Variants in MAGI2 observed in about 807,000 individuals in gnomAD.
The protein encoded by MAGI2 is membrane associated guanylate kinase, WW and PDZ domain containing 2, also known as membrane-associated guanylate kinase, WW and PDZ domain-containing protein 2.
A neutral mutation model predicts 133.3 loss-of-function variants in MAGI2; 35 were observed. That is an observed-to-expected ratio of 0.26 (90% CI 0.20 to 0.35). The LOEUF (loss-of-function observed/expected upper bound fraction) is 0.35, where lower values mean the gene tolerates loss of function less well. Ranked by LOEUF, MAGI2 falls within the 10% of genes least tolerant of loss-of-function variation. The pLI, the probability that MAGI2 is intolerant of heterozygous loss-of-function variation, is 1.00. For missense variants in MAGI2, 1,636 were observed against 1,863.4 expected (o/e 0.88, Z 2.25); for synonymous variants, 729 against 710.6 (o/e 1.03, Z -0.41).
At chr7:78,349,125 G>A (rs757748721) in intron 7 of MAGI2, among the ~76,000 whole-genome samples, 1 of 152,138 alleles carries the variant, frequency 6.6e-6, no homozygotes, top group African/African-American at 2.4e-5. Flanking sequence ...ATTAAAATGT[G>A]TTTTAATGAT....
intron 1 of MAGI2, among the ~76,000 whole-genome samples, chr7:79,147,088 G>GTCTA (rs1157234160): frequency 6.6e-6 from 1 of 152,184 alleles, no homozygotes. Context: ...CATTTGAACT[G>GTCTA]TCTATGCTTC....
At chr7:79,114,489 C>T (rs774796043) in intron 1 of MAGI2, among the ~76,000 whole-genome samples, 4 of 152,114 alleles carry the variant, frequency 2.6e-5, no homozygotes, top group Non-Finnish European at 4.4e-5. Flanking sequence ...TGAATTGTGG[C>T]AAGCTTCAAT....
chr7:78,278,820 T>C (rs987270675), intron 9 of MAGI2, among the ~76,000 whole-genome samples: 1 of 152,140 alleles, frequency 6.6e-6, no homozygotes, highest in Admixed American at 6.6e-5. Context: ...GATTTTAAAT[T>C]TGCCAGCCCT....
intron 21 of MAGI2, among the ~76,000 whole-genome samples, chr7:78,053,538 G>A (rs1378086710): frequency 6.6e-6 from 1 of 152,230 alleles, no homozygotes. Flanking sequence ...TGAGGCCAAA[G>A]CTTCTAAATG....
chr7:78,174,384 G>A (rs964110708), intron 14 of MAGI2, among the ~76,000 whole-genome samples: 1 of 152,188 alleles, frequency 6.6e-6, no homozygotes, highest in Admixed American at 6.5e-5. Context: ...TAAGTGCAAT[G>A]GATTCTAGAT....
Position 78,077,725 on chromosome 7 carries a change from G to GTTTTTTT in MAGI2, c.3706+1215_3706+1221dup, listed in dbSNP as rs538030969. Among the ~76,000 whole-genome samples the GTTTTTTT allele has an allele frequency of 6.3e-3, 642 of 101,202 alleles. 27 individuals carry two copies. Among genetic ancestry groups the GTTTTTTT allele is most frequent in the African/African-American group, 8.9e-3 (221 of 24,890 alleles). The allele number at this position is 101,202 out of a possible 152,430, so 66.4% of individuals were successfully genotyped here. Reference sequence around the variant, plus strand: ...TGAAATGAAAAGTACTCTTTAGAATGTTTTTTTTTTTTTTTTTTTTTGAGA... The same window carrying GTTTTTTT: ...TGAAATGAAAAGTACTCTTTAGAATGTTTTTTTTTTTTTTTTTTTTTTTTTTTTGAGA... On this transcript the variant is annotated intron_variant, in intron 21 of 21. Coordinates refer to ENST00000354212, the MANE Select transcript of MAGI2 (RefSeq NM_012301.4).
chr7:78,256,420 C>T lies in MAGI2; in HGVS notation c.1570G>A (p.Val524Met), dbSNP rs1792983322. The T allele has an allele frequency of 1.9e-6, 3 of 1,613,842 alleles. No homozygotes were observed. Among genetic ancestry groups the T allele is most frequent in the Non-Finnish European group, 2.5e-6 (3 of 1,179,944 alleles). The change falls in exon 10 of 22, where the codon GTG (valine) becomes ATG (methionine). Residue 524 changes from valine (V) to methionine (M), a missense_variant. By Grantham distance (21) the Val-to-Met change is conservative (BLOSUM62 1). This residue lies in a region of MAGI2 where 920 missense variants were observed against 1,093.5 expected (regional missense o/e 0.84). Transcript: ENST00000354212. ...FDPEDPANSM[V>M]PPLAIMERPP... Reference sequence around the variant, plus strand: ...CTCTCCATTATTGCAAGGGGTGGCACCATGCTGTTAGCAGGGTCTTCAGGA... The same window carrying T: ...CTCTCCATTATTGCAAGGGGTGGCATCATGCTGTTAGCAGGGTCTTCAGGA...
intron 1 of MAGI2, among the ~76,000 whole-genome samples, chr7:79,061,235 C>T (rs1344558212): frequency 6.6e-6 from 1 of 151,266 alleles, no homozygotes; most frequent in Non-Finnish European, 1.5e-5. Flanking sequence ...TTAAAATGCT[C>T]TATTTTATTG....
chr7:78,290,508 ACACCC>A (rs1439247017), intron 9 of MAGI2, among the ~76,000 whole-genome samples: 1 of 152,212 alleles, frequency 6.6e-6, no homozygotes, highest in Non-Finnish European at 1.5e-5. Context: ...GGAGACTTTA[ACACCC>A]CACTGTCAAC....
chr7:79,253,161 A>G (rs1282399123), intron 1 of MAGI2, among the ~76,000 whole-genome samples: 2 of 152,308 alleles, frequency 1.3e-5, no homozygotes, highest in East Asian at 3.9e-4. Flanking sequence ...TGTCATTTTT[A>G]TTATATGAGC....
intron 1 of MAGI2, among the ~76,000 whole-genome samples, chr7:79,376,129 T>C (rs914597925): frequency 6.6e-6 from 1 of 151,842 alleles, no homozygotes; most frequent in African/African-American, 2.4e-5. Flanking sequence ...TATGTTTATA[T>C]AGTAGTTCCC....
At chr7:78,090,309 T>TA (rs1308406437) in intron 20 of MAGI2, among the ~76,000 whole-genome samples, 2 of 152,236 alleles carry the variant, frequency 1.3e-5, no homozygotes, top group Non-Finnish European at 1.5e-5. Context: ...CCTACTCAAT[T>TA]ATAAACTCTT....
At chr7:79,231,847 A>G (rs1475219859) in intron 1 of MAGI2, among the ~76,000 whole-genome samples, 14 of 151,622 alleles carry the variant, frequency 9.2e-5, no homozygotes, top group Non-Finnish European at 1.9e-4. Context: ...AGGAGTGGTG[A>G]GAGAGGGCAT....
At chr7:78,857,481 G>C (rs567889050) in intron 2 of MAGI2, among the ~76,000 whole-genome samples, 1 of 152,152 alleles carries the variant, frequency 6.6e-6, no homozygotes, top group African/African-American at 2.4e-5. Flanking sequence ...GAATTTTGTT[G>C]AAGGCCTTTT....
intron 1 of MAGI2, among the ~76,000 whole-genome samples, chr7:79,060,196 A>C (rs1813593491): frequency 6.6e-6 from 1 of 152,122 alleles, no homozygotes; most frequent in Non-Finnish European, 1.5e-5. Flanking sequence ...GTTGAAGTTT[A>C]AGGTTTTCAA....
intron 2 of MAGI2, among the ~76,000 whole-genome samples, chr7:78,701,434 A>G (rs1818062160): frequency 6.6e-6 from 1 of 152,016 alleles, no homozygotes; most frequent in African/African-American, 2.4e-5. Context: ...GGTAGAGTAC[A>G]TGTGGGACCA....
intron 2 of MAGI2, chr7:78,771,454 G>A (rs1267245912): frequency 6.6e-6 from 1 of 152,180 alleles, no homozygotes; most frequent in Non-Finnish European, 1.5e-5. Flanking sequence ...ACAAAGCAGC[G>A]AGGAAAATCT....
intron 1 of MAGI2, among the ~76,000 whole-genome samples, chr7:79,288,167 T>C (rs1389177499): frequency 6.6e-6 from 1 of 152,158 alleles, no homozygotes; most frequent in Non-Finnish European, 1.5e-5. Flanking sequence ...CTGCCTGTGT[T>C]CAAAGCCTGG....
intron 16 of MAGI2, among the ~76,000 whole-genome samples, chr7:78,151,622 C>A (rs1823882139): frequency 4.6e-5 from 7 of 152,190 alleles, no homozygotes; most frequent in Admixed American, 4.6e-4. Context: ...CACCAGGCCC[C>A]AGGCTGACTG....
Sources: allele counts gnomAD v4.1 joint callset (sites outside exome capture counted in the v4.1 genomes callset), GRCh38; gene constraint gnomAD v4.1.1; regional missense constraint gnomAD v4.1.1; transcripts MANE v1.5; gene names NCBI Gene and HGNC (gene_info 2026-07-23, HGNC 2026-07-21).